The following APP variants were observed in gnomAD, a reference collection of about 807,000 sequenced individuals.
APP encodes the protein amyloid beta precursor protein, also known as amyloid-beta precursor protein.
APP carries 31 observed loss-of-function variants against 101.4 expected under a neutral mutation model. The ratio of observed to expected loss-of-function variants is 0.31; its 90% CI spans 0.23 to 0.41. The LOEUF (loss-of-function observed/expected upper bound fraction) is 0.41. Among genes scored for constraint, APP ranks in the 10% least tolerant of loss-of-function variants. The pLI is 1.00. For missense variants in APP, 839 were observed against 1,003.7 expected, an observed-to-expected ratio of 0.84 and a Z score of 2.22; for synonymous variants, 366 against 364.4, an observed-to-expected ratio of 1.00 and a Z score of -0.05.
At chr21:25,945,743 G>A (rs1188645520) in intron 13 of APP, 1 of 358,586 alleles carries the variant, frequency 2.8e-6, no homozygotes, top group Non-Finnish European at 5.5e-6. Context: ...CTATTGCCCA[G>A]GTGGCGTGAT....
intron 8 of APP, among the ~76,000 whole-genome samples, chr21:25,984,660 A>G (rs749204107): frequency 2.6e-5 from 4 of 152,170 alleles, no homozygotes; most frequent in Non-Finnish European, 5.9e-5. Context: ...CAAGTTCCCA[A>G]CTTGAAATGA....
chr21:26,141,007 G>T (rs1369117616), intron 1 of APP, among the ~76,000 whole-genome samples: 1 of 152,154 alleles, frequency 6.6e-6, no homozygotes, highest in East Asian at 1.9e-4. Context: ...TGTAATTCTG[G>T]CCAAAAGGTT....
At chr21:25,971,443 C>G (rs902888824) in intron 11 of APP, among the ~76,000 whole-genome samples, 4 of 152,158 alleles carry the variant, frequency 2.6e-5, no homozygotes, top group African/African-American at 9.7e-5. Context: ...AACTCATGGC[C>G]CTGAATTTCC....
At chr21:26,006,357 C>T (rs1219886158) in intron 6 of APP, among the ~76,000 whole-genome samples, 1 of 152,190 alleles carries the variant, frequency 6.6e-6, no homozygotes, top group Non-Finnish European at 1.5e-5. Flanking sequence ...CAACTCTGCT[C>T]ACTCTTCAAG....
intron 17 of APP, among the ~76,000 whole-genome samples, chr21:25,887,517 GAAAAAA>G (rs199637906): frequency 2.3e-4 from 26 of 114,448 alleles, no homozygotes; most frequent in South Asian, 8.5e-4. Context: ...CTGCTTATTT[GAAAAAA>G]AAAAAAAAAA....
At chr21:26,072,665 C>T (rs562306866) in intron 3 of APP, among the ~76,000 whole-genome samples, 2 of 151,884 alleles carry the variant, frequency 1.3e-5, no homozygotes, top group African/African-American at 2.4e-5. Flanking sequence ...AAAAAGAAAG[C>T]AAAAACAACA....
intron 13 of APP, among the ~76,000 whole-genome samples, chr21:25,950,635 GCCTGC>G (rs1225234089): frequency 1.2e-4 from 19 of 152,080 alleles, no homozygotes; most frequent in African/African-American, 4.1e-4. Flanking sequence ...ACTGCCGCCG[GCCTGC>G]AGCTGTTTTT....
At chr21:25,887,657 A>G (rs1033601802) in intron 17 of APP, among the ~76,000 whole-genome samples, 1 of 150,510 alleles carries the variant, frequency 6.6e-6, no homozygotes. Context: ...TGGTGGCCCC[A>G]TAATACCGTA....
At chr21:26,051,833 G>A (rs1181143858) in intron 4 of APP, among the ~76,000 whole-genome samples, 1 of 152,180 alleles carries the variant, frequency 6.6e-6, no homozygotes, top group Non-Finnish European at 1.5e-5. Flanking sequence ...AGTGATAAAT[G>A]AAGGATGAAT....
intron 8 of APP, among the ~76,000 whole-genome samples, chr21:25,991,387 TC>T (rs957077265): frequency 1.3e-5 from 2 of 152,100 alleles, no homozygotes; most frequent in Non-Finnish European, 2.9e-5. Flanking sequence ...ACCTTTTTTT[TC>T]CCCCTTGAGA....
At chr21:26,143,816 C>G (rs769733763) in intron 1 of APP, among the ~76,000 whole-genome samples, 2 of 152,102 alleles carry the variant, frequency 1.3e-5, no homozygotes, top group Non-Finnish European at 2.9e-5. Context: ...TTTTCTGTGT[C>G]TGGCTTATTT....
chr21:25,998,390 G>GA (rs377532580), intron 7 of APP, among the ~76,000 whole-genome samples: 9,693 of 109,866 alleles, frequency 0.088, 1,026 homozygotes, highest in African/African-American at 0.26. Flanking sequence ...ATCAGAGCCA[G>GA]AAAAAAAAAA....
At chr21:25,929,008 C>G (rs1351818513) in intron 13 of APP, 1 of 152,336 alleles carries the variant, frequency 6.6e-6, no homozygotes, top group Admixed American at 6.5e-5. Context: ...GCATGAGCCA[C>G]TGCACCCGGC....
chr21:26,105,655 A>G (rs1343223251), intron 2 of APP, among the ~76,000 whole-genome samples: 1 of 152,248 alleles, frequency 6.6e-6, no homozygotes, highest in Admixed American at 6.5e-5. Context: ...AAGTGGCAGG[A>G]AGATCCTGAA....
At chr21:25,911,336 C>T (rs2146318185) in intron 14 of APP, among the ~76,000 whole-genome samples, 1 of 152,290 alleles carries the variant, frequency 6.6e-6, no homozygotes, top group Non-Finnish European at 1.5e-5. Flanking sequence ...CACTGTGGCT[C>T]CCCTTCGTCC....
chr21:25,971,030 T>C (rs970849328), intron 11 of APP, among the ~76,000 whole-genome samples: 1 of 151,994 alleles, frequency 6.6e-6, no homozygotes, highest in Non-Finnish European at 1.5e-5. Flanking sequence ...AACTGGACAA[T>C]ATATTCATAT....
intron 5 of APP, among the ~76,000 whole-genome samples, chr21:26,042,583 G>C (rs2045420162): frequency 6.6e-6 from 1 of 152,166 alleles, no homozygotes; most frequent in Non-Finnish European, 1.5e-5. Context: ...GTTTTATGAT[G>C]ACTGCATTGA....
rs41276552 is a variant in APP at position 26,053,251 on chromosome 21, G to A, written c.453C>T (p.His151=). ...GGGCTGGTACCTCTTTGGCGACGGTGTGCCAGTGAAGATGAGTTTCGCAAA... is the reference window on the plus strand; with the variant it reads ...GGGCTGGTACCTCTTTGGCGACGGTATGCCAGTGAAGATGAGTTTCGCAAA... ...MDVCETHLHW[H]TVAKETCSEK... is the part of the protein sequence containing the mutation. Residue 151 remains histidine, a synonymous_variant, in exon 4 of 18, where the codon CAC becomes CAT. Transcript: ENST00000346798. 2.0e-5 allele frequency: 32 copies of A among 1,612,948 alleles called. No individual in the cohort carries two copies. Among genetic ancestry groups the A allele is most frequent in the Non-Finnish European group, 2.6e-5 (31 of 1,178,952 alleles).
At chr21:26,014,165 A>T (rs1441122000) in intron 6 of APP, among the ~76,000 whole-genome samples, 1 of 152,202 alleles carries the variant, frequency 6.6e-6, no homozygotes, top group Non-Finnish European at 1.5e-5. Flanking sequence ...ACAGCATGCT[A>T]CTACTGAGGC....
Sources: gnomAD v4.1 joint callset for allele counts (sites outside exome capture counted in the v4.1 genomes callset) on GRCh38, gnomAD v4.1.1 for gene constraint, MANE v1.5 for transcripts, NCBI Gene and HGNC (gene_info 2026-07-23, HGNC 2026-07-21) for gene names.